DEDD: variants seen among roughly 807,000 people sequenced by gnomAD.
DEDD encodes the protein death effector domain containing, also known as death effector domain-containing protein.
DEDD carries 3 observed loss-of-function variants against 29.2 expected under a neutral mutation model. The observed-to-expected ratio is 0.10, with a 90% CI of 0.05 to 0.27. The LOEUF is 0.27. Among genes scored for constraint, DEDD ranks in the 10% least tolerant of loss-of-function variants. The pLI is 1.00. For missense variants in DEDD, 261 were observed against 420.5 expected (o/e 0.62, Z 3.32); for synonymous variants, 152 against 161.3 (o/e 0.94, Z 0.44).
Position 161,124,416 on chromosome 1 carries a change from T to G in DEDD, c.47A>C (p.His16Pro), listed in dbSNP as rs1459003859. Reference sequence around the variant, plus strand: ...GTACAGCCCATGTTCCTGCTCACCATGCTCTTCTGGCCACACCTGGCTTGC... The same window carrying G: ...GTACAGCCCATGTTCCTGCTCACCAGGCTCTTCTGGCCACACCTGGCTTGC... ...RRASQVWPEE[H>P]GEQEHGLYSL... is the part of the protein sequence containing the mutation. The change falls in exon 3 of 6, where the codon CAT becomes CCT. Residue 16 changes from histidine to proline, a missense_variant. This residue lies in a region of DEDD where 203 missense variants were observed against 268.7 expected (regional missense o/e 0.76). Coordinates refer to ENST00000368006, the MANE Select transcript of DEDD (RefSeq NM_032998.3). 1.2e-6 allele frequency: 2 copies of G among 1,612,084 alleles called. No homozygotes were observed. The highest frequency in any genetic ancestry group is 2.2e-5 in the East Asian group (1 of 44,818).
chr1:161,132,494 G>A (rs1375575934), intron 1 of DEDD, 57 bp downstream of exon 1: 2 of 153,566 alleles, frequency 1.3e-5, no homozygotes, highest in Non-Finnish European at 2.9e-5. Context: ...GCCCCGCCCG[G>A]CCCCGCCCCG....
At chr1:161,131,526 T>C (rs764584669) in intron 1 of DEDD, among the ~76,000 whole-genome samples, 2 of 152,136 alleles carry the variant, frequency 1.3e-5, no homozygotes, top group African/African-American at 4.8e-5. Context: ...CCTTAGCATA[T>C]AGGGTTCCAA....
chr1:161,124,045 A>C, intron 3 of DEDD, 93 bp downstream of exon 3: 1 of 1,578,364 alleles, frequency 6.3e-7, no homozygotes, highest in Non-Finnish European at 8.6e-7. Flanking sequence ...AGTACTCCCC[A>C]GGATCAATGT....
chr1:161,127,518 C>T (rs1036799358), intron 2 of DEDD, among the ~76,000 whole-genome samples: 1 of 152,176 alleles, frequency 6.6e-6, no homozygotes, highest in African/African-American at 2.4e-5. Context: ...AACTCATTCC[C>T]TTAAGAAAAG....
chr1:161,125,562 T>G (rs1248240064), intron 2 of DEDD: 1 of 152,010 alleles, frequency 6.6e-6, no homozygotes, highest in Non-Finnish European at 1.5e-5. Flanking sequence ...AGTGCAGTGG[T>G]GCAATCTCGG....
In DEDD at chr1:161,121,153, C is replaced by T; in HGVS notation, c.*994G>A. ...AGCTCCAGTTCTAGACCTCCTGGCT[C>T]ATTCAACATGCCTCCCTACCTAAAT... On this transcript the variant is annotated 3_prime_UTR_variant, in exon 6 of 6. Coordinates refer to ENST00000368006, the MANE Select transcript of DEDD (RefSeq NM_032998.3). 1 of 1,060,732 alleles carries T rather than the reference C, an allele frequency of 9.4e-7. No homozygotes were observed. Among genetic ancestry groups the T allele is most frequent in the Non-Finnish European group, 1.1e-6 (1 of 874,488 alleles). 65.7% of individuals were successfully genotyped at this position (1,060,732 alleles called of 1,614,324 possible).
chr1:161,127,160 A>G (rs1656266642), intron 2 of DEDD, among the ~76,000 whole-genome samples: 1 of 152,218 alleles, frequency 6.6e-6, no homozygotes, highest in Non-Finnish European at 1.5e-5. Flanking sequence ...TTAATCTCCA[A>G]GAGATCACCT....
At chr1:161,128,557 C>T (rs923966862) in intron 2 of DEDD, among the ~76,000 whole-genome samples, 17 of 152,046 alleles carry the variant, frequency 1.1e-4, no homozygotes, top group African/African-American at 3.4e-4. Context: ...GATGTGATAG[C>T]GCCACTGCAG....
chr1:161,123,184 C>A lies in DEDD; in HGVS notation c.471G>T (p.Ser157=). ...GCCGCTTGCTACACATCTGAGGACC[C>A]GAAGTGGGGCAACACACCACAGGAT... ...PHYPVVCCPT[S]GPQMCSKRPA... The change falls in exon 5 of 6, where the codon TCG becomes TCT. Residue 157 remains serine (S), a synonymous_variant. Coordinates refer to ENST00000368006, the MANE Select transcript of DEDD (RefSeq NM_032998.3). The A allele has an allele frequency of 1.2e-6, 2 of 1,614,130 alleles. No homozygotes were observed. Among genetic ancestry groups the A allele is most frequent in the Non-Finnish European group, 1.7e-6 (2 of 1,180,032 alleles).
At chr1:161,131,327 G>T (rs1048089168) in intron 1 of DEDD, 1 of 152,140 alleles carries the variant, frequency 6.6e-6, no homozygotes, top group Admixed American at 6.5e-5. Flanking sequence ...ATATCTAATG[G>T]CGCAGCATCC....
At chr1:161,125,737 G>T in intron 2 of DEDD, among the ~76,000 whole-genome samples, 1 of 152,028 alleles carries the variant, frequency 6.6e-6, no homozygotes, top group East Asian at 1.9e-4. Context: ...CCTGACCTCA[G>T]GTGATCCACC....
intron 4 of DEDD, among the ~76,000 whole-genome samples, chr1:161,123,597 C>T (rs1190486844): frequency 1.4e-5 from 2 of 147,298 alleles, no homozygotes. Flanking sequence ...GATTGCGCCA[C>T]TGCACTCCAG....
chr1:161,123,170 C>T lies in DEDD; in HGVS notation c.485G>A (p.Cys162Tyr). 6.2e-7 allele frequency: 1 copy of T among 1,614,206 alleles called. No homozygotes were observed. Among genetic ancestry groups the T allele is most frequent in the Non-Finnish European group, 8.5e-7 (1 of 1,180,044 alleles). ...TCTCCCTCGGGCTGGCCGCTTGCTA[C>T]ACATCTGAGGACCCGAAGTGGGGCA... ...VCCPTSGPQM[C>Y]SKRPARGRAT... The change falls in exon 5 of 6, where the codon TGT (cysteine) becomes TAT (tyrosine). Residue 162 changes from cysteine to tyrosine, a missense_variant. By Grantham distance (194) the Cys-to-Tyr change is radical. Coordinates refer to ENST00000368006, the MANE Select transcript of DEDD (RefSeq NM_032998.3).
At chr1:161,130,878 C>CA (rs1656611908) in intron 1 of DEDD, 31 bp from the exon 2 acceptor site, 1 of 152,108 alleles carries the variant, frequency 6.6e-6, no homozygotes, top group Non-Finnish European at 1.5e-5. Flanking sequence ...AGCAGCAAAA[C>CA]AAAAACAAAT....
chr1:161,123,525 A>C (rs926421196), intron 4 of DEDD, among the ~76,000 whole-genome samples: 2 of 151,600 alleles, frequency 1.3e-5, no homozygotes, highest in African/African-American at 4.8e-5. Flanking sequence ...AGTCCCAGCT[A>C]CTCAGGAGGC....
Position 161,122,539 on chromosome 1 carries a change from G to T in DEDD, c.581-16C>A, listed in dbSNP as rs376203819. 9 of 1,610,332 alleles carry T rather than the reference G, an allele frequency of 5.6e-6. No homozygotes were observed. The Admixed American group carries it at 1.5e-4, about 27-fold the overall frequency. On this transcript the variant is annotated splice_polypyrimidine_tract_variant and intron_variant, in intron 5 of 5. Transcript: ENST00000368006. The surrounding 1 kb of genome is among the most constrained non-coding windows in gnomAD (Gnocchi z 4.2). ...AGTCTGATGTCTGTTGGAAACAGAA[G>T]ATACAGAGCAGAAGAGGTTACAGTA... is the stretch of plus-strand genomic sequence containing the variant.
rs539868872 is a variant in DEDD at position 161,121,071 on chromosome 1, G to A, written c.*1076C>T. On this transcript the variant is annotated 3_prime_UTR_variant, in exon 6 of 6. Coordinates refer to ENST00000368006, the MANE Select transcript of DEDD (RefSeq NM_032998.3). ...AAAATATAATAATCATAAAGTCTGTGTCTGGACATCGCCTTTGGGAACTAG... is the reference window on the plus strand; with the variant it reads ...AAAATATAATAATCATAAAGTCTGTATCTGGACATCGCCTTTGGGAACTAG... The A allele has an allele frequency of 1.0e-5, 12 of 1,205,930 alleles. No individual in the cohort carries two copies. The highest frequency in any genetic ancestry group is 1.2e-5 in the Non-Finnish European group (12 of 961,622). 74.7% of individuals were successfully genotyped at this position (1,205,930 alleles called of 1,614,324 possible). A position where few individuals can be genotyped will look rare whatever the true frequency, so the allele number is the denominator to read the frequency against.
intron 2 of DEDD, chr1:161,125,260 A>G (rs1204262058): frequency 2.0e-5 from 3 of 152,240 alleles, no homozygotes; most frequent in Non-Finnish European, 4.4e-5. Flanking sequence ...AATCACGGGT[A>G]ACCCTTATAT....
chr1:161,128,248 G>T (rs966140271), intron 2 of DEDD, among the ~76,000 whole-genome samples: 1 of 152,160 alleles, frequency 6.6e-6, no homozygotes, highest in African/African-American at 2.4e-5. Context: ...TGATTATTAT[G>T]CCTGGTGGGG....
Sources: gnomAD v4.1 joint callset for allele counts (sites outside exome capture counted in the v4.1 genomes callset) on GRCh38, gnomAD v4.1.1 for gene constraint, gnomAD v4.1.1 regional missense constraint, Gnocchi (gnomAD v3.1) non-coding constraint, MANE v1.5 for transcripts, NCBI Gene and HGNC (gene_info 2026-07-23, HGNC 2026-07-21) for gene names.